Variants in OPCML observed in about 807,000 individuals in gnomAD.
The protein encoded by OPCML is opioid binding protein/cell adhesion molecule like, also known as opioid-binding protein/cell adhesion molecule.
A neutral mutation model predicts 37.8 loss-of-function variants in OPCML; 13 were observed. That is an observed-to-expected ratio of 0.34 (90% CI 0.22 to 0.55). The LOEUF (loss-of-function observed/expected upper bound fraction) is 0.55, where lower values mean the gene tolerates loss of function less well. Among genes scored for constraint, OPCML ranks in the 20% least tolerant of loss-of-function variants. The pLI, the probability that OPCML is intolerant of heterozygous loss-of-function variation, is 0.91. For synonymous variants in OPCML, 176 were observed against 168.8 expected, an observed-to-expected ratio of 1.04 and a Z score of -0.33; for missense variants, 341 against 435.6, an observed-to-expected ratio of 0.78 and a Z score of 1.93.
intron 1 of OPCML, among the ~76,000 whole-genome samples, chr11:132,999,913 A>C (rs1277010152): frequency 1.3e-5 from 2 of 152,200 alleles, no homozygotes; most frequent in African/African-American, 4.8e-5. Flanking sequence ...CATCCCCCTC[A>C]AAGGCAGCTT....
At chr11:132,482,553 AT>A in intron 4 of OPCML, among the ~76,000 whole-genome samples, 1 of 152,338 alleles carries the variant, frequency 6.6e-6, no homozygotes, top group African/African-American at 2.4e-5. Flanking sequence ...AGAGGGAATC[AT>A]CCCTAACTCA....
rs1444915078 is a variant in OPCML, at chr11:132,682,713, T to G, written c.147-25394A>C. The stretch of plus-strand genomic sequence containing the variant: ...GGAGAGAACGGAGGACCGAGACCTG[T>G]GTAAAGGACCCATCTCAGCCATGAG... On this transcript the variant is annotated intron_variant, in intron 2 of 7. Transcript: ENST00000524381. Among the ~76,000 whole-genome samples, 4 of 152,308 alleles carry G rather than the reference T, an allele frequency of 2.6e-5. No individual in the cohort carries two copies. The East Asian group carries it at 5.8e-4, about 22-fold the overall frequency.
chr11:132,687,404 A>G (rs1184945235), intron 2 of OPCML, among the ~76,000 whole-genome samples: 6 of 95,678 alleles, frequency 6.3e-5, no homozygotes, highest in Non-Finnish European at 1.1e-4. Context: ...ATATATATAT[A>G]TATATATATA....
In OPCML at chr11:133,208,843, A is replaced by G. The variant is rs1280378459; in HGVS notation, c.62-265833T>C. ...CATTCCCTATAAATCACGCTATTCC[A>G]TGACTACCTATTCTAACTGCTCCCA... On this transcript the variant is annotated intron_variant, in intron 1 of 7. Coordinates refer to ENST00000524381, the MANE Select transcript of OPCML (RefSeq NM_001012393.5). This position sits in a 1 kb window ranked among gnomAD's most constrained non-coding sequence, Gnocchi z 8.9. 6.6e-6 allele frequency among the ~76,000 whole-genome samples: 1 copy of G among 152,182 alleles called. No homozygotes were observed. The highest frequency in any genetic ancestry group is 1.5e-5 in the Non-Finnish European group (1 of 68,044).
At position 133,177,996 on chromosome 11, in the gene OPCML, T is replaced by C. The variant is rs188284255; in HGVS notation, c.62-234986A>G. 1.4e-3 allele frequency among the ~76,000 whole-genome samples: 210 copies of C among 152,298 alleles called. No homozygotes were observed. Among genetic ancestry groups the C allele is most frequent in the African/African-American group, 4.8e-3 (200 of 41,568 alleles). ...CCCAAGGTTTAAGGCAGAATTATGA[T>C]AGTTTTGTCAATACACATATTCCAG... On this transcript the variant is annotated intron_variant, in intron 1 of 7. Coordinates refer to ENST00000524381, the MANE Select transcript of OPCML (RefSeq NM_001012393.5). The surrounding 1 kb of genome is among the most constrained non-coding windows in gnomAD (Gnocchi z 5.0).
intron 1 of OPCML, among the ~76,000 whole-genome samples, chr11:133,496,496 G>T (rs1372924530): frequency 6.6e-6 from 1 of 152,124 alleles, no homozygotes; most frequent in African/African-American, 2.4e-5. Context: ...TGACAGTATG[G>T]TCATTTTCAC....
intron 2 of OPCML, among the ~76,000 whole-genome samples, chr11:132,867,979 G>A (rs1942639863): frequency 6.6e-6 from 1 of 152,102 alleles, no homozygotes; most frequent in African/African-American, 2.4e-5. Context: ...GTTCTCTCGG[G>A]GCTCCGTGTT....
At chr11:133,180,964 C>T (rs887143197) in intron 1 of OPCML, among the ~76,000 whole-genome samples, 10 of 152,030 alleles carry the variant, frequency 6.6e-5, no homozygotes, top group South Asian at 2.1e-4. Flanking sequence ...ACGGGAAACA[C>T]CCCAGGTGTC....
chr11:132,604,488 C>T (rs1319601078), intron 3 of OPCML, among the ~76,000 whole-genome samples: 1 of 152,102 alleles, frequency 6.6e-6, no homozygotes, highest in African/African-American at 2.4e-5. Context: ...GTAGAAGTTT[C>T]CAAAATCATC....
chr11:132,491,867 A>G (rs2137072898), intron 4 of OPCML, among the ~76,000 whole-genome samples: 1 of 152,086 alleles, frequency 6.6e-6, no homozygotes, highest in Middle Eastern at 3.4e-3. Flanking sequence ...TATAAAGGAA[A>G]CTTGGAGATA....
At chr11:133,026,022 A>T in intron 1 of OPCML, 1 of 982,478 alleles carries the variant, frequency 1.0e-6, no homozygotes. Flanking sequence ...GACATGAGCC[A>T]CCACGCCCAG....
intron 1 of OPCML, among the ~76,000 whole-genome samples, chr11:133,086,470 T>C (rs933520414): frequency 1.3e-5 from 2 of 152,208 alleles, no homozygotes; most frequent in African/African-American, 4.8e-5. Flanking sequence ...GTCAATGTAT[T>C]GTCTGATAAA....
chr11:132,851,020 G>A (rs928054072), intron 2 of OPCML, among the ~76,000 whole-genome samples: 2 of 152,166 alleles, frequency 1.3e-5, no homozygotes, highest in Admixed American at 6.5e-5. Context: ...CAACTTCAAT[G>A]GGGAGGAAAA....
intron 1 of OPCML, among the ~76,000 whole-genome samples, chr11:133,106,878 A>T (rs1465503058): frequency 2.0e-5 from 3 of 152,158 alleles, no homozygotes; most frequent in Non-Finnish European, 4.4e-5. Context: ...GCCTAGCCCC[A>T]CTCAAGGTAA....
chr11:132,824,251 G>A (rs1940164023), intron 2 of OPCML, among the ~76,000 whole-genome samples: 1 of 152,058 alleles, frequency 6.6e-6, no homozygotes, highest in Admixed American at 6.5e-5. Flanking sequence ...GCCATTTATT[G>A]AAGCCATTCC....
intron 1 of OPCML, among the ~76,000 whole-genome samples, chr11:132,947,920 C>A (rs1945781144): frequency 6.6e-6 from 1 of 152,166 alleles, no homozygotes; most frequent in Non-Finnish European, 1.5e-5. Context: ...CTGGACATCT[C>A]AAATTCAATA....
At chr11:133,344,601 C>T (rs1255648142) in intron 1 of OPCML, among the ~76,000 whole-genome samples, 1 of 152,124 alleles carries the variant, frequency 6.6e-6, no homozygotes, top group Non-Finnish European at 1.5e-5. Flanking sequence ...GGCTCCTGCA[C>T]CAAAAACAAC....
intron 2 of OPCML, chr11:132,771,501 G>A (rs999864167): frequency 1.3e-5 from 2 of 152,160 alleles, no homozygotes; most frequent in African/African-American, 2.4e-5. Flanking sequence ...TGCAAGACAA[G>A]CAATTAATCC....
At chr11:132,549,392 T>C (rs2096376355) in intron 3 of OPCML, among the ~76,000 whole-genome samples, 1 of 152,184 alleles carries the variant, frequency 6.6e-6, no homozygotes, top group African/African-American at 2.4e-5. Context: ...ACCCCTTGCT[T>C]AGCATATAAT....
Sources: gnomAD v4.1 joint callset for allele counts (sites outside exome capture counted in the v4.1 genomes callset) on GRCh38, gnomAD v4.1.1 for gene constraint, Gnocchi (gnomAD v3.1) non-coding constraint, MANE v1.5 for transcripts, NCBI Gene and HGNC (gene_info 2026-07-23, HGNC 2026-07-21) for gene names.